Variants in KSR2 observed in about 807,000 individuals in gnomAD.
KSR2 encodes kinase suppressor of ras 2.
Under a neutral mutation model 107.8 loss-of-function variants are expected in KSR2, and 25 were observed. The ratio of observed to expected loss-of-function variants is 0.23; its 90% CI spans 0.17 to 0.32. The LOEUF (loss-of-function observed/expected upper bound fraction) is 0.32, where lower values mean the gene tolerates loss of function less well. Ranked by LOEUF, KSR2 falls within the 10% of genes least tolerant of loss-of-function variation. The pLI, the probability that KSR2 is intolerant of heterozygous loss-of-function variation, is 1.00. For missense variants in KSR2, 887 were observed against 1,268.9 expected, an observed-to-expected ratio of 0.70 and a Z score of 4.57; for synonymous variants, 480 against 507.0, an observed-to-expected ratio of 0.95 and a Z score of 0.71.
At chr12:117,766,188 G>A (rs1381483934) in intron 3 of KSR2, among the ~76,000 whole-genome samples, 1 of 152,168 alleles carries the variant, frequency 6.6e-6, no homozygotes, top group Non-Finnish European at 1.5e-5. Flanking sequence ...ACAAAATGTG[G>A]TACGTCCATA....
At chr12:117,757,660 C>A (rs999061622) in intron 4 of KSR2, among the ~76,000 whole-genome samples, 1 of 152,220 alleles carries the variant, frequency 6.6e-6, no homozygotes, top group African/African-American at 2.4e-5. Flanking sequence ...CAGCCATCAA[C>A]ATTGAAGCAA....
intron 7 of KSR2, among the ~76,000 whole-genome samples, chr12:117,576,454 T>C (rs1879289737): frequency 6.6e-6 from 1 of 152,172 alleles, no homozygotes; most frequent in South Asian, 2.1e-4. Context: ...AAGGTGGCCT[T>C]GAAGTACTAA....
chr12:117,524,956 C>T lies in KSR2; in HGVS notation c.2115G>A (p.Lys705=), dbSNP rs56350161. Residue 705 remains lysine (K), a synonymous_variant, in exon 14 of 20, where the codon AAG becomes AAA. Coordinates refer to ENST00000339824, the MANE Select transcript of KSR2 (RefSeq NM_173598.6). ...AGGCCATCACCTCCCGCTTGAAGGC[C>T]TTGAGCTGGTCCTCGTTGTCCCTCT... ...DIERDNEDQL[K]AFKREVMAYR... is the part of the protein sequence containing the mutation. 1.1e-3 allele frequency: 1,761 copies of T among 1,613,900 alleles called. 2 individuals are homozygous for T. Among genetic ancestry groups the T allele is most frequent in the Admixed American group, 1.4e-3 (83 of 60,014 alleles).
intron 14 of KSR2, among the ~76,000 whole-genome samples, chr12:117,498,909 A>T (rs1436223923): frequency 6.6e-6 from 1 of 152,144 alleles, no homozygotes; most frequent in Admixed American, 6.5e-5. Flanking sequence ...TTCTTTTGTA[A>T]ATTGCCTAGT....
At chr12:117,513,779 C>T (rs1422446377) in intron 14 of KSR2, among the ~76,000 whole-genome samples, 1 of 152,212 alleles carries the variant, frequency 6.6e-6, no homozygotes, top group African/African-American at 2.4e-5. Flanking sequence ...ATGAATCAGA[C>T]AGTCTCTTCC....
chr12:117,617,607 T>C (rs1881957278), intron 5 of KSR2, among the ~76,000 whole-genome samples: 1 of 152,194 alleles, frequency 6.6e-6, no homozygotes, highest in Non-Finnish European at 1.5e-5. Flanking sequence ...GAGTATATAC[T>C]GTATGAAGCA....
In KSR2 at chr12:117,464,112, C is replaced by T. The variant is rs1449837067; in HGVS notation, c.*3087G>A. On this transcript the variant is annotated 3_prime_UTR_variant, in exon 20 of 20. Coordinates refer to ENST00000339824, the MANE Select transcript of KSR2 (RefSeq NM_173598.6). Reference sequence around the variant, plus strand: ...GGGACACAAGGGGCACGTCCTCCCACAGGGGGCCAAGAAGGAAGCTCCTTG... The same window carrying T: ...GGGACACAAGGGGCACGTCCTCCCATAGGGGGCCAAGAAGGAAGCTCCTTG... The T allele has an allele frequency of 6.6e-6, 1 of 152,206 alleles. No homozygotes were observed. Among genetic ancestry groups the T allele is most frequent in the Non-Finnish European group, 1.5e-5 (1 of 68,038 alleles). The allele number at this position is 152,206 out of a possible 1,614,324, so 9.4% of individuals were successfully genotyped here.
At chr12:117,850,137 C>G (rs1593303194) in intron 3 of KSR2, among the ~76,000 whole-genome samples, 1 of 152,206 alleles carries the variant, frequency 6.6e-6, no homozygotes, top group East Asian at 1.9e-4. Flanking sequence ...ATGAAGGATA[C>G]TTTGAGGATG....
At chr12:117,641,843 G>A (rs888395879) in intron 5 of KSR2, among the ~76,000 whole-genome samples, 3 of 152,086 alleles carry the variant, frequency 2.0e-5, no homozygotes, top group Non-Finnish European at 2.9e-5. Context: ...CCTCAGGTCC[G>A]AGATGAAAGC....
At chr12:117,958,156 G>A (rs1476495734) in intron 1 of KSR2, among the ~76,000 whole-genome samples, 1 of 152,106 alleles carries the variant, frequency 6.6e-6, no homozygotes, top group African/African-American at 2.4e-5. Context: ...TTGTGCAGAA[G>A]ACCAAGTATT....
Position 117,485,708 on chromosome 12 carries a change from C to T in KSR2, c.2220-17G>A. On this transcript the variant is annotated splice_polypyrimidine_tract_variant and intron_variant, in intron 14 of 19. Transcript: ENST00000339824. ...TTACAGAGGCTGAAAAGCAAAAGGA[C>T]AAGATAAATTAATGGCAGTCGTTCA... The T allele has an allele frequency of 6.4e-7, 1 of 1,573,212 alleles. No homozygotes were observed. The highest frequency in any genetic ancestry group is 8.7e-7 in the Non-Finnish European group (1 of 1,143,530).
At chr12:117,799,998 GTGATAA>G (rs1475134332) in intron 3 of KSR2, among the ~76,000 whole-genome samples, 1 of 152,188 alleles carries the variant, frequency 6.6e-6, no homozygotes, top group African/African-American at 2.4e-5. Context: ...GACAGTAGAG[GTGATAA>G]TTCAGTGACA....
chr12:117,568,412 G>A (rs1878668585), intron 7 of KSR2, among the ~76,000 whole-genome samples: 1 of 152,140 alleles, frequency 6.6e-6, no homozygotes, highest in African/African-American at 2.4e-5. Flanking sequence ...TTTAGTTAAA[G>A]GGCAAGCAGA....
intron 7 of KSR2, among the ~76,000 whole-genome samples, chr12:117,573,076 G>T (rs191006882): frequency 6.6e-6 from 1 of 152,306 alleles, no homozygotes; most frequent in African/African-American, 2.4e-5. Flanking sequence ...TTAGATAACT[G>T]CAAATTGCTT....
At chr12:117,655,558 A>G (rs1593097967) in intron 5 of KSR2, among the ~76,000 whole-genome samples, 2 of 152,072 alleles carry the variant, frequency 1.3e-5, no homozygotes, top group Non-Finnish European at 2.9e-5. Context: ...AAGTGGCACC[A>G]CCCACCATCA....
At chr12:117,667,790 G>A (rs1565951854) in intron 4 of KSR2, 132 bp from the exon 5 acceptor site, 4 of 723,172 alleles carry the variant, frequency 5.5e-6, no homozygotes, top group Non-Finnish European at 8.7e-6. Flanking sequence ...GAGCCCACAG[G>A]CTTTTAGGTA....
intron 3 of KSR2, among the ~76,000 whole-genome samples, chr12:117,844,577 T>C (rs1892629450): frequency 6.6e-6 from 1 of 152,136 alleles, no homozygotes; most frequent in Admixed American, 6.6e-5. Flanking sequence ...GTGCACAAGT[T>C]TGCTGACATC....
At chr12:117,797,041 C>T (rs573230972) in intron 3 of KSR2, among the ~76,000 whole-genome samples, 4 of 152,130 alleles carry the variant, frequency 2.6e-5, no homozygotes, top group East Asian at 1.9e-4. Flanking sequence ...GCTCACCATG[C>T]GGATGGGGAA....
intron 1 of KSR2, among the ~76,000 whole-genome samples, chr12:117,925,280 T>C (rs1295755064): frequency 1.3e-5 from 2 of 151,488 alleles, no homozygotes; most frequent in African/African-American, 2.4e-5. Context: ...CACGCCACCA[T>C]GCCCAGCTAA....
Sources: allele counts gnomAD v4.1 joint callset (sites outside exome capture counted in the v4.1 genomes callset), GRCh38; gene constraint gnomAD v4.1.1; transcripts MANE v1.5; gene names NCBI Gene and HGNC (gene_info 2026-07-23, HGNC 2026-07-21).